COL4A4: variants seen among roughly 807,000 people sequenced by gnomAD.
The protein encoded by COL4A4 is collagen type IV alpha 4 chain.
COL4A4 carries 105 observed loss-of-function variants against 192.9 expected under a neutral mutation model. The observed-to-expected ratio is 0.54, with a 90% CI of 0.46 to 0.64. The LOEUF (loss-of-function observed/expected upper bound fraction) is 0.64. Ranked by LOEUF, COL4A4 falls within the 30% of genes least tolerant of loss-of-function variation. The pLI is 0.00. For missense variants in COL4A4, 1,967 were observed against 2,169.3 expected (o/e 0.91, Z 1.85); for synonymous variants, 762 against 769.9 (o/e 0.99, Z 0.17).
chr2:227,017,492 A>G (rs1366064499), intron 44 of COL4A4, among the ~76,000 whole-genome samples: 1 of 152,250 alleles, frequency 6.6e-6, no homozygotes, highest in African/African-American at 2.4e-5. Flanking sequence ...ACACAACCCT[A>G]ACAGGGTGTG....
At position 227,006,166 on chromosome 2, in the gene COL4A4, G is replaced by A. The variant is rs1962046662; in HGVS notation, c.*1159C>T. On this transcript the variant is annotated 3_prime_UTR_variant, in exon 48 of 48. Coordinates refer to ENST00000396625, the MANE Select transcript of COL4A4 (RefSeq NM_000092.5). ...AAGATAGTGCCATGTCCTCCTGATG[G>A]GGTAACCCTGACTTAAATGAATCTT... 6.6e-6 allele frequency: 1 copy of A among 152,564 alleles called. No homozygotes were observed. The highest frequency in any genetic ancestry group is 2.1e-4 in the South Asian group (1 of 4,816). 9.5% of individuals were successfully genotyped at this position (152,564 alleles called of 1,614,324 possible). A position where few individuals can be genotyped will look rare whatever the true frequency, so the allele number is the denominator to read the frequency against.
intron 1 of COL4A4, among the ~76,000 whole-genome samples, chr2:227,162,678 C>T (rs1050802500): frequency 1.3e-5 from 2 of 152,118 alleles, no homozygotes; most frequent in Admixed American, 6.5e-5. Flanking sequence ...TCAACATGTG[C>T]GTGAAATTTT....
At chr2:226,993,649 G>A in the COL4A4 span, among the ~76,000 whole-genome samples, 3 of 152,158 alleles carry the variant, frequency 2.0e-5, no homozygotes, top group South Asian at 2.1e-4. Flanking sequence ...CCAGGGGTTG[G>A]GGAGGTATAA....
At position 227,094,248 on chromosome 2, in the gene COL4A4, G is replaced by A. The variant is rs372841765; in HGVS notation, c.1246C>T (p.Pro416Ser). The A allele has an allele frequency of 1.2e-6, 2 of 1,613,878 alleles. No homozygotes were observed. Among genetic ancestry groups the A allele is most frequent in the East Asian group, 2.2e-5 (1 of 44,870 alleles). ...ATACCAGCTTCTCCTGGAAGCCCAG[G>A]AAGACCAGGAAATCCTTGTGGCCCA... is the stretch of plus-strand genomic sequence containing the variant. ...PPGPQGFPGL[P>S]GLPGEAGIPG... Residue 416 changes from proline (P) to serine (S), a missense_variant, in exon 20 of 48, where the codon CCT (proline) becomes TCT (serine). Physicochemically the swap from Pro to Ser is moderately conservative, Grantham distance 74. Coordinates refer to ENST00000396625, the MANE Select transcript of COL4A4 (RefSeq NM_000092.5).
At chr2:227,034,732 A>G (rs1969245937) in intron 37 of COL4A4, among the ~76,000 whole-genome samples, 1 of 83,360 alleles carries the variant, frequency 1.2e-5, no homozygotes. Flanking sequence ...CCACCCCACA[A>G]CAGTCCCCAG....
chr2:227,082,237 A>G (rs2150524662), intron 22 of COL4A4, 50 bp from the exon 23 acceptor site: 1 of 1,378,120 alleles, frequency 7.3e-7, no homozygotes, highest in Non-Finnish European at 1.0e-6. Context: ...ATGGATCAAC[A>G]GTTACATCTG....
At position 227,104,233 on chromosome 2, in the gene COL4A4, C is replaced by T. The variant is rs2060686532; in HGVS notation, c.736-181G>A. ...TTTTCTTATAAAAATTTAATACACA[C>T]TTATTGTTAAAAATAAATTTAAAAA... On this transcript the variant is annotated intron_variant, in intron 12 of 47. Transcript: ENST00000396625. 6 of 634,062 alleles carry T rather than the reference C, an allele frequency of 9.5e-6. No homozygotes were observed. In the Middle Eastern group the frequency reaches 1.3e-3, roughly 134 times the overall value. 39.3% of individuals were successfully genotyped at this position (634,062 alleles called of 1,614,324 possible).
intron 4 of COL4A4, among the ~76,000 whole-genome samples, chr2:227,135,845 T>C (rs1313525839): frequency 6.6e-6 from 1 of 152,008 alleles, no homozygotes; most frequent in Non-Finnish European, 1.5e-5. Context: ...GGTTTCACCA[T>C]GTTGGCCAGG....
chr2:227,095,789 G>A (rs1423599594), intron 19 of COL4A4, among the ~76,000 whole-genome samples: 1 of 152,202 alleles, frequency 6.6e-6, no homozygotes, highest in East Asian at 1.9e-4. Flanking sequence ...CAGCTATTTG[G>A]GAGGCTGAGG....
intron 23 of COL4A4, among the ~76,000 whole-genome samples, chr2:227,081,466 C>G (rs2059322342): frequency 6.6e-6 from 1 of 152,166 alleles, no homozygotes; most frequent in Non-Finnish European, 1.5e-5. Flanking sequence ...CCTTCAGCCA[C>G]AGACTGAGGG....
At chr2:227,148,750 A>G (rs2063716183) in intron 1 of COL4A4, among the ~76,000 whole-genome samples, 1 of 151,992 alleles carries the variant, frequency 6.6e-6, no homozygotes, top group South Asian at 2.1e-4. Flanking sequence ...ATTGAAATGT[A>G]TCATTTAAAA....
intron 45 of COL4A4, 88 bp from the exon 46 acceptor site, chr2:227,010,589 A>C: frequency 8.7e-7 from 1 of 1,145,870 alleles, no homozygotes; most frequent in Non-Finnish European, 1.2e-6. Context: ...GCACTGTGCT[A>C]AGCACTCAGG....
At chr2:227,095,987 C>G (rs572293515) in intron 19 of COL4A4, among the ~76,000 whole-genome samples, 44 of 152,228 alleles carry the variant, frequency 2.9e-4, no homozygotes, top group African/African-American at 9.1e-4. Context: ...GTGTCTGGCT[C>G]CAGATCCTCT....
the COL4A4 span, among the ~76,000 whole-genome samples, chr2:226,992,795 G>A: frequency 2.0e-5 from 3 of 152,148 alleles, no homozygotes; most frequent in African/African-American, 7.2e-5. Flanking sequence ...TGTGAGAACC[G>A]ATGGCCACGT....
At chr2:227,101,281 A>G (rs1202952000) in intron 17 of COL4A4, among the ~76,000 whole-genome samples, 2 of 152,176 alleles carry the variant, frequency 1.3e-5, no homozygotes, top group African/African-American at 2.4e-5. Context: ...GTGGAACTGT[A>G]AGTCCATTTA....
intron 44 of COL4A4, among the ~76,000 whole-genome samples, 192 bp from the exon 45 acceptor site, chr2:227,012,489 A>T (rs1298758028): frequency 6.6e-6 from 1 of 152,160 alleles, no homozygotes; most frequent in Non-Finnish European, 1.5e-5. Flanking sequence ...AGTTGGCGTA[A>T]CTGGGGCCCC....
At chr2:227,022,545 A>C (rs759735723) in intron 43 of COL4A4, 1 of 543,392 alleles carries the variant, frequency 1.8e-6, no homozygotes, top group Non-Finnish European at 3.8e-6. Flanking sequence ...CACAGGTAGC[A>C]TTGCAAGAGG....
Position 227,027,599 on chromosome 2 carries a change from G to A in COL4A4, c.4081+303C>T, listed in dbSNP as rs370448887. ...GTATACATATGTAACAAACCTGCACGTTGTGCACATGTACACTAGAACTTA... is the reference window on the plus strand; with the variant it reads ...GTATACATATGTAACAAACCTGCACATTGTGCACATGTACACTAGAACTTA... On this transcript the variant is annotated intron_variant, in intron 42 of 47. Transcript: ENST00000396625. Among the ~76,000 whole-genome samples, 62 of 150,790 alleles carry A rather than the reference G, an allele frequency of 4.1e-4. No individual in the cohort carries two copies. In the East Asian group the frequency reaches 8.7e-3, roughly 21 times the overall value.
At chr2:227,101,713 T>A (rs1023900875) in intron 16 of COL4A4, 152 bp downstream of exon 16, 2 of 1,055,150 alleles carry the variant, frequency 1.9e-6, no homozygotes, top group African/African-American at 3.2e-5. Flanking sequence ...GCTTCAATTT[T>A]TGCACCCACA....
Sources: gnomAD v4.1 joint callset for allele counts (sites outside exome capture counted in the v4.1 genomes callset) on GRCh38, gnomAD v4.1.1 for gene constraint, MANE v1.5 for transcripts, NCBI Gene and HGNC (gene_info 2026-07-23, HGNC 2026-07-21) for gene names.